The following AP3D1 variants were observed in gnomAD, a reference collection of about 807,000 sequenced individuals.
The protein encoded by AP3D1 is AP-3 complex subunit delta-1.
In AP3D1, 51 loss-of-function variants were observed where a neutral mutation model predicts 147.6. The observed-to-expected ratio is 0.35, with a 90% confidence interval of 0.28 to 0.44. AP3D1 has a LOEUF of 0.44. Ranked by LOEUF, AP3D1 falls within the 20% of genes least tolerant of loss-of-function variation. The pLI is 1.00. For synonymous variants in AP3D1, 760 were observed against 663.0 expected, an observed-to-expected ratio of 1.15 and a Z score of -2.25; for missense variants, 1,421 against 1,624.2, an observed-to-expected ratio of 0.87 and a Z score of 2.15.
At chr19:2,140,423 G>A (rs891587692) in intron 1 of AP3D1, among the ~76,000 whole-genome samples, 8 of 151,972 alleles carry the variant, frequency 5.3e-5, no homozygotes, top group East Asian at 3.9e-4. Context: ...CCCCACGCTC[G>A]CCGCTGATGA....
intron 8 of AP3D1, among the ~76,000 whole-genome samples, chr19:2,128,062 T>G (rs1032318325): frequency 2.6e-5 from 4 of 152,208 alleles, no homozygotes; most frequent in African/African-American, 9.7e-5. Context: ...TGCCGACACA[T>G]GACTGCATCT....
At chr19:2,122,101 G>A (rs1030452242) in intron 11 of AP3D1, among the ~76,000 whole-genome samples, 4 of 152,146 alleles carry the variant, frequency 2.6e-5, no homozygotes, top group African/African-American at 4.8e-5. Context: ...CCCCCATGCC[G>A]GCTCCCTCAG....
intron 31 of AP3D1, among the ~76,000 whole-genome samples, chr19:2,105,256 T>C (rs1410111997): frequency 1.3e-5 from 2 of 152,266 alleles, no homozygotes; most frequent in East Asian, 1.9e-4. Context: ...AATCTGGCCA[T>C]AAACTGACCC....
At chr19:2,117,414 C>T (rs774095813) in intron 15 of AP3D1, 47 bp from the exon 16 acceptor site, 3 of 1,517,414 alleles carry the variant, frequency 2.0e-6, no homozygotes, top group South Asian at 2.5e-5. Context: ...CGGAAGGCCA[C>T]TCGGCCACCT....
At chr19:2,114,961 C>G (rs2018398556) in intron 20 of AP3D1, 140 bp from the exon 21 acceptor site, 2 of 988,898 alleles carry the variant, frequency 2.0e-6, no homozygotes, top group South Asian at 1.5e-5. Flanking sequence ...AGAGGCTCCG[C>G]TCAGCGTCTA....
chr19:2,154,903 G>A (rs1055004400), upstream of AP3D1, among the ~76,000 whole-genome samples: 3 of 152,230 alleles, frequency 2.0e-5, no homozygotes, highest in African/African-American at 7.2e-5. Context: ...AAGGAGGCCA[G>A]GCGGGGCGGC....
intron 1 of AP3D1, 126 bp from the exon 2 acceptor site, chr19:2,138,840 T>C: frequency 1.5e-6 from 1 of 663,188 alleles, no homozygotes; most frequent in Non-Finnish European, 2.7e-6. Context: ...GGCAGGCAGA[T>C]CACGAGGTCG....
chr19:2,161,813 A>G (rs1385712179), intron 1 of AP3D1, among the ~76,000 whole-genome samples: 1 of 151,826 alleles, frequency 6.6e-6, no homozygotes, highest in Non-Finnish European at 1.5e-5. Flanking sequence ...GCTGGGCACA[A>G]TAGTGGGCAC....
At chr19:2,130,576 C>G (rs377178521) in intron 5 of AP3D1, 39 bp from the exon 6 acceptor site, 2 of 1,609,466 alleles carry the variant, frequency 1.2e-6, no homozygotes, top group Non-Finnish European at 1.7e-6. Context: ...GGGCTTTCTG[C>G]GCCTCATCCC....
rs375275091 is a variant in AP3D1, at chr19:2,121,714, G to A, written c.1101+20C>T. 7.3e-5 allele frequency: 113 copies of A among 1,555,442 alleles called. No homozygotes were observed. The highest frequency in any genetic ancestry group is 9.1e-5 in the Non-Finnish European group (105 of 1,153,302). On this transcript the variant is annotated intron_variant, in intron 12 of 31. Transcript: ENST00000643116. ...GAGAACTAAGGCCAGGCGGGCGGGCGGCGGACAGAGGGCACGCACCATCCC... is the reference window on the plus strand; with the variant it reads ...GAGAACTAAGGCCAGGCGGGCGGGCAGCGGACAGAGGGCACGCACCATCCC...
At chr19:2,105,332 G>A (rs568576274) in intron 31 of AP3D1, among the ~76,000 whole-genome samples, 7 of 152,210 alleles carry the variant, frequency 4.6e-5, no homozygotes, top group Admixed American at 6.5e-5. Flanking sequence ...TAACGCCCAC[G>A]CTGGAAGGTT....
At chr19:2,160,850 C>A (rs1010986558) in intron 1 of AP3D1, among the ~76,000 whole-genome samples, 4 of 152,098 alleles carry the variant, frequency 2.6e-5, no homozygotes, top group African/African-American at 9.7e-5. Flanking sequence ...AAGCAGCGTC[C>A]GTGGCCTCCA....
intron 1 of AP3D1, among the ~76,000 whole-genome samples, chr19:2,160,958 G>C (rs576043038): frequency 6.6e-6 from 1 of 151,940 alleles, no homozygotes; most frequent in Non-Finnish European, 1.5e-5. Flanking sequence ...ATCACCCCTG[G>C]TTGAGACCGC....
At chr19:2,146,083 A>G (rs1165576051) in intron 1 of AP3D1, among the ~76,000 whole-genome samples, 2 of 152,000 alleles carry the variant, frequency 1.3e-5, no homozygotes, top group African/African-American at 2.4e-5. Flanking sequence ...ACGACCCCAC[A>G]TGGAAACCAC....
In AP3D1 at chr19:2,101,470, A is replaced by G. The variant is rs1480161988; in HGVS notation, c.*703T>C. The G allele has an allele frequency of 3.6e-5, 5 of 138,352 alleles. No individual in the cohort carries two copies. Among genetic ancestry groups the G allele is most frequent in the African/African-American group, 1.5e-4 (5 of 34,318 alleles). The allele number at this position is 138,352 out of a possible 1,614,324, so 8.6% of individuals were successfully genotyped here. ...GGGGATGCGGACCACCCCAAACCCA[A>G]GCCGAGATGCACTTCTGCTGACCAG... On this transcript the variant is annotated 3_prime_UTR_variant, in exon 32 of 32. Transcript: ENST00000643116.
chr19:2,113,249 C>A (rs2018338560), intron 23 of AP3D1, 87 bp downstream of exon 23: 1 of 752,340 alleles, frequency 1.3e-6, no homozygotes, highest in Admixed American at 2.8e-5. Flanking sequence ...AGCACAGGGC[C>A]TCAGGAGACC....
At chr19:2,140,725 C>G (rs2144527085) in intron 1 of AP3D1, among the ~76,000 whole-genome samples, 1 of 150,636 alleles carries the variant, frequency 6.6e-6, no homozygotes, top group African/African-American at 2.4e-5. Context: ...GTCCAAGTAG[C>G]TCCTCTCAGA....
intron 17 of AP3D1, 125 bp downstream of exon 17, chr19:2,116,480 G>A (rs1364925024): frequency 1.1e-5 from 15 of 1,308,780 alleles, no homozygotes; most frequent in South Asian, 1.5e-5. Flanking sequence ...CTGGGAGGCA[G>A]GGACGCCCAT....
At chr19:2,103,057 GAA>G (rs1389237952) in intron 31 of AP3D1, among the ~76,000 whole-genome samples, 1 of 152,074 alleles carries the variant, frequency 6.6e-6, no homozygotes, top group African/African-American at 2.4e-5. Flanking sequence ...CCAGGAGGGT[GAA>G]GTTGCAGTGA....
Sources: allele counts gnomAD v4.1 joint callset (sites outside exome capture counted in the v4.1 genomes callset), GRCh38; gene constraint gnomAD v4.1.1; transcripts MANE v1.5; gene names NCBI Gene and HGNC (gene_info 2026-07-23, HGNC 2026-07-21).